Variants in AGBL2 observed in about 807,000 individuals in gnomAD.
AGBL2 encodes AGBL carboxypeptidase 2.
AGBL2 carries 87 observed loss-of-function variants against 103.0 expected under a neutral mutation model. The observed-to-expected ratio is 0.84, with a 90% CI of 0.71 to 1.01. AGBL2 has a LOEUF of 1.01. Among genes scored for constraint, AGBL2 ranks in the 50% least tolerant of loss-of-function variants. The probability of loss-of-function intolerance (pLI) is 0.00; values close to 1 mark genes in which losing one functional copy is unlikely to be tolerated. For missense variants in AGBL2, 904 were observed against 1,023.5 expected, an observed-to-expected ratio of 0.88 and a Z score of 1.59; for synonymous variants, 335 against 356.7, an observed-to-expected ratio of 0.94 and a Z score of 0.69.
chr11:47,666,227 C>T (rs2097340925), intron 17 of AGBL2, among the ~76,000 whole-genome samples: 1 of 151,440 alleles, frequency 6.6e-6, no homozygotes, highest in Non-Finnish European at 1.5e-5. Flanking sequence ...AACCCTGTCT[C>T]TACTAAAAAT....
At chr11:47,714,116 G>A in intron 3 of AGBL2, 168 bp downstream of exon 3, 3 of 600,014 alleles carry the variant, frequency 5.0e-6, no homozygotes, top group South Asian at 2.0e-5. Context: ...GAGGTGACCC[G>A]CAGATCAATG....
chr11:47,710,634 A>T, intron 3 of AGBL2, 123 bp from the exon 4 acceptor site: 2 of 1,135,186 alleles, frequency 1.8e-6, no homozygotes, highest in Non-Finnish European at 2.6e-6. Flanking sequence ...TGCAATGAAT[A>T]CACTGCATTT....
chr11:47,713,766 T>G (rs1483840192), intron 3 of AGBL2, among the ~76,000 whole-genome samples: 1 of 151,282 alleles, frequency 6.6e-6, no homozygotes, highest in Non-Finnish European at 1.5e-5. Context: ...TTTTTTTGTA[T>G]TTTTAGTAGA....
At chr11:47,665,137 T>A (rs962815321) in intron 17 of AGBL2, among the ~76,000 whole-genome samples, 1 of 151,450 alleles carries the variant, frequency 6.6e-6, no homozygotes, top group African/African-American at 2.4e-5. Flanking sequence ...AACCTCTGCC[T>A]CCTAGGTTCA....
rs543813921 is a variant in AGBL2, at chr11:47,689,172, G to C, written c.1631+904C>G. Among the ~76,000 whole-genome samples, 71 of 152,136 alleles carry C rather than the reference G, an allele frequency of 4.7e-4. 3 individuals are homozygous for C. The South Asian group carries it at 0.014, about 29-fold the overall frequency. ...ACTGATGTTATGATTCTTTCTTTGT[G>C]ATAGGCAATATAAGATCGTAAAAGG... is the stretch of plus-strand genomic sequence containing the variant. On this transcript the variant is annotated intron_variant, in intron 10 of 18. Coordinates refer to ENST00000525123, the MANE Select transcript of AGBL2 (RefSeq NM_024783.4).
rs145812541 is a variant in AGBL2, at chr11:47,660,299, T to C, written c.2583A>G (p.Ile861Met). ...CTGGAGCTGGCTCTTGGCTGGAGTT[T>C]ATGGTTCTCTTTGGAGAGCATGATA... is the stretch of plus-strand genomic sequence containing the variant. ...FTVSCSPKRTINSSQEPAPGM... is the reference protein window; with the variant it reads ...FTVSCSPKRTMNSSQEPAPGM... Residue 861 changes from isoleucine (I) to methionine (M), a missense_variant, in exon 19 of 19, where the codon ATA becomes ATG. Transcript: ENST00000525123. 6.8e-6 allele frequency: 11 copies of C among 1,614,136 alleles called. No homozygotes were observed. Among genetic ancestry groups the C allele is most frequent in the South Asian group, 1.1e-5 (1 of 91,094 alleles).
At chr11:47,667,802 T>C in intron 15 of AGBL2, 106 bp from the exon 16 acceptor site, 1 of 1,246,212 alleles carries the variant, frequency 8.0e-7, no homozygotes, top group East Asian at 2.3e-5. Context: ...TAACTCGGTA[T>C]GCAGATTTGT....
intron 18 of AGBL2, among the ~76,000 whole-genome samples, chr11:47,661,112 A>G (rs957304105): frequency 6.6e-6 from 1 of 152,096 alleles, no homozygotes; most frequent in Non-Finnish European, 1.5e-5. Context: ...GCAGTGAGCC[A>G]AGATCATGCC....
intron 17 of AGBL2, among the ~76,000 whole-genome samples, chr11:47,666,150 T>C (rs1262557334): frequency 6.6e-6 from 1 of 152,022 alleles, no homozygotes; most frequent in African/African-American, 2.4e-5. Flanking sequence ...TCCCAGCACT[T>C]TGGGAGGCCA....
chr11:47,679,058 CAAAAAAAA>C (rs56307962), intron 13 of AGBL2, among the ~76,000 whole-genome samples: 2 of 28,190 alleles, frequency 7.1e-5, no homozygotes, highest in Non-Finnish European at 1.1e-4. Flanking sequence ...GACCCTGTCT[CAAAAAAAA>C]AAAAAAAAAA....
Position 47,690,798 on chromosome 11 carries a change from CTGAG to C in AGBL2, c.905_908del (p.Thr302SerfsTer24), listed in dbSNP as rs2097442281. On this transcript the variant is annotated frameshift_variant, in exon 10 of 19. Transcript: ENST00000525123. LOFTEE classifies it high-confidence loss of function. ...TGTTCTGAACACGAAAATAAAACCA[CTGAG>C]TGTGTTTGTTAGTGTAGAGGTCAGT... The C allele has an allele frequency of 6.2e-7, 1 of 1,613,816 alleles. No homozygotes were observed. Among genetic ancestry groups the C allele is most frequent in the Admixed American group, 1.7e-5 (1 of 59,978 alleles).
rs1292244615 is a variant in AGBL2, at chr11:47,682,075, A to G, written c.1809T>C (p.Asn603=). Residue 603 remains asparagine (N), a synonymous_variant, in exon 12 of 19, where the codon AAT becomes AAC. Transcript: ENST00000525123. The part of the protein sequence containing the change: ...APDKFSFHSC[N]FKVQKCKEGT... ...CTTCTTTGCATTTTTGGACCTTAAA[A>G]TTACAACTGTGAAAAGAGAACTAAA... is the stretch of plus-strand genomic sequence containing the variant. The G allele has an allele frequency of 1.7e-5, 28 of 1,613,986 alleles. 1 individual carries two copies. The highest frequency in any genetic ancestry group is 2.3e-5 in the Non-Finnish European group (27 of 1,179,984).
intron 14 of AGBL2, among the ~76,000 whole-genome samples, chr11:47,673,521 A>C (rs2097363751): frequency 6.6e-6 from 1 of 152,014 alleles, no homozygotes; most frequent in Non-Finnish European, 1.5e-5. Flanking sequence ...GCTATTTGGG[A>C]GACTGAGGCA....
intron 3 of AGBL2, among the ~76,000 whole-genome samples, chr11:47,711,826 C>G (rs1196204060): frequency 2.0e-5 from 3 of 152,186 alleles, no homozygotes; most frequent in Non-Finnish European, 4.4e-5. Flanking sequence ...TGAGCCACCA[C>G]GCCCGGCCTG....
At position 47,710,520 on chromosome 11, in the gene AGBL2, T is replaced by C. The variant is rs776571638; in HGVS notation, c.98-9A>G. 2.0e-5 allele frequency: 33 copies of C among 1,613,766 alleles called. No individual in the cohort carries two copies. Among genetic ancestry groups the C allele is most frequent in the Non-Finnish European group, 2.8e-5 (33 of 1,179,998 alleles). On this transcript the variant is annotated splice_polypyrimidine_tract_variant and intron_variant, in intron 3 of 18. Transcript: ENST00000525123. ...TAAACTGCCTCTCTGAGCTAAAAAT[T>C]GGCAGTTTAATTAAAGTTGCTGGAA...
Position 47,704,656 on chromosome 11 carries a change from G to C in AGBL2, c.473C>G (p.Pro158Arg). 6.2e-7 allele frequency: 1 copy of C among 1,614,004 alleles called. No homozygotes were observed. The stretch of plus-strand genomic sequence containing the variant: ...GAGCTCTTGGGGTTCTCGAAGACGT[G>C]GGTTTACTTCATCCAACTCATCATA... ...LLYDELDEVN[P>R]RLREPQELFS... The change falls in exon 7 of 19, where the codon CCA becomes CGA. Residue 158 changes from proline (P) to arginine (R), a missense_variant. Transcript: ENST00000525123.
intron 1 of AGBL2, 76 bp downstream of exon 1, chr11:47,715,099 C>T (rs1157826040): frequency 5.6e-6 from 1 of 177,372 alleles, no homozygotes; most frequent in Non-Finnish European, 1.2e-5. Flanking sequence ...ATTTAGGGTT[C>T]AGAGGAACCT....
At chr11:47,667,880 A>G (rs187887332) in intron 15 of AGBL2, among the ~76,000 whole-genome samples, 184 bp from the exon 16 acceptor site, 8 of 151,872 alleles carry the variant, frequency 5.3e-5, no homozygotes, top group Admixed American at 3.9e-4. Flanking sequence ...CCTACTTAAT[A>G]CCCCCAAATC....
At chr11:47,688,181 A>G (rs923716533) in intron 10 of AGBL2, among the ~76,000 whole-genome samples, 1 of 151,638 alleles carries the variant, frequency 6.6e-6, no homozygotes, top group Non-Finnish European at 1.5e-5. Context: ...CTGGTCTCCA[A>G]CTCCTGGGCT....
Sources: allele counts gnomAD v4.1 joint callset (sites outside exome capture counted in the v4.1 genomes callset), GRCh38; gene constraint gnomAD v4.1.1; transcripts MANE v1.5; gene names NCBI Gene and HGNC (gene_info 2026-07-23, HGNC 2026-07-21).